Variants in CEP164 observed in about 807,000 individuals in gnomAD.
CEP164 encodes centrosomal protein of 164 kDa.
CEP164 carries 162 observed loss-of-function variants against 182.7 expected under a neutral mutation model. That is an observed-to-expected ratio of 0.89 (90% CI 0.78 to 1.01). The LOEUF (loss-of-function observed/expected upper bound fraction) is 1.01. Among genes scored for constraint, CEP164 ranks in the 50% least tolerant of loss-of-function variants. The pLI is 0.00. For synonymous variants in CEP164, 661 were observed against 690.0 expected (o/e 0.96, Z 0.66); for missense variants, 1,735 against 1,790.4 (o/e 0.97, Z 0.56).
chr11:117,390,732 C>T lies in CEP164; in HGVS notation c.1935-45C>T, dbSNP rs1453797585. 4.3e-6 allele frequency: 7 copies of T among 1,612,052 alleles called. No homozygotes were observed. In the South Asian group the frequency reaches 7.7e-5, roughly 18 times the overall value. ...CCATAGCTTATGAATAGAAGAAAGA[C>T]CTTTGTGGTTTCTCTGACAACCTAG... On this transcript the variant is annotated intron_variant, in intron 15 of 32. Transcript: ENST00000278935.
At chr11:117,355,698 G>A in intron 5 of CEP164, 1 of 1,188,226 alleles carries the variant, frequency 8.4e-7, no homozygotes, top group Non-Finnish European at 1.1e-6. Context: ...AGCGGGAGGA[G>A]GAGGAGAGAA....
intron 27 of CEP164, 106 bp downstream of exon 27, chr11:117,397,419 A>T: frequency 1.8e-6 from 2 of 1,081,462 alleles, no homozygotes; most frequent in Non-Finnish European, 2.6e-6. Flanking sequence ...TCGGGACTCC[A>T]TGAGAGTGGC....
intron 27 of CEP164, among the ~76,000 whole-genome samples, chr11:117,404,457 A>G (rs982788865): frequency 2.6e-5 from 4 of 152,240 alleles, no homozygotes; most frequent in Non-Finnish European, 5.9e-5. Context: ...TCTAGACCCT[A>G]TTTGCTTGGA....
chr11:117,410,044 C>T (rs1280491202), intron 30 of CEP164, 79 bp downstream of exon 30: 2 of 1,326,472 alleles, frequency 1.5e-6, no homozygotes, highest in South Asian at 1.2e-5. Context: ...CCCTCTTTCT[C>T]CTGCTCCTTT....
rs754018860 is a variant in CEP164 at position 117,390,891 on chromosome 11, A to C, written c.2049A>C (p.Ala683=). The change falls in exon 16 of 33, where the codon GCA becomes GCC. Residue 683 remains alanine, a synonymous_variant. Coordinates refer to ENST00000278935, the MANE Select transcript of CEP164 (RefSeq NM_014956.5). ...CTCAGGTCCAGTCCAGCACACAAGC[A>C]GATGAGGACCAAATCAGGTAAGTGT... The part of the protein sequence containing the change: ...LRAQVQSSTQ[A]DEDQIRAEQE... The C allele has an allele frequency of 4.3e-6, 7 of 1,613,928 alleles. No individual in the cohort carries two copies. The South Asian group carries it at 5.5e-5, about 13-fold the overall frequency.
intron 9 of CEP164, 104 bp from the exon 10 acceptor site, chr11:117,373,647 T>C: frequency 1.1e-6 from 1 of 921,918 alleles, no homozygotes; most frequent in Non-Finnish European, 1.7e-6. Context: ...CAGTTTGACC[T>C]GAGCCCTATA....
In CEP164 at chr11:117,410,862, G is replaced by A. The variant is rs141080271; in HGVS notation, c.4131G>A (p.Pro1377=). The change falls in exon 31 of 33, where the codon CCG becomes CCA. Residue 1377 remains proline, a synonymous_variant. Coordinates refer to ENST00000278935, the MANE Select transcript of CEP164 (RefSeq NM_014956.5). ...CGCTGCTCAGCAACAGCCCCACCCC[G>A]CTGGAGAGCAGGCTGGGTTACATGT... The part of the protein sequence containing the change: ...GIPLLSNSPT[P]LESRLGYMSA... 119 of 1,613,258 alleles carry A rather than the reference G, an allele frequency of 7.4e-5. No homozygotes were observed. The highest frequency in any genetic ancestry group is 5.5e-4 in the Admixed American group (33 of 59,960).
intron 20 of CEP164, among the ~76,000 whole-genome samples, chr11:117,393,681 C>A (rs2045032654): frequency 6.6e-6 from 1 of 152,248 alleles, no homozygotes. Flanking sequence ...CACTGCAATG[C>A]TGTGTCACCA....
chr11:117,376,681 TTTGAGCCCAACATGTTCCTC>T (rs2042777931), intron 11 of CEP164, among the ~76,000 whole-genome samples: 1 of 152,206 alleles, frequency 6.6e-6, no homozygotes, highest in South Asian at 2.1e-4. Context: ...GCCAGTTGCA[TTTGAGCCCAACATGTTCCTC>T]TCAGCTCTGG....
At chr11:117,396,299 C>T in intron 25 of CEP164, 119 bp downstream of exon 25, 2 of 1,199,788 alleles carry the variant, frequency 1.7e-6, no homozygotes, top group Non-Finnish European at 2.4e-6. Context: ...GGTGGAGCCT[C>T]AGGAGGGGAG....
intron 9 of CEP164, among the ~76,000 whole-genome samples, chr11:117,373,169 G>C (rs1357189184): frequency 6.6e-6 from 1 of 152,072 alleles, no homozygotes; most frequent in Non-Finnish European, 1.5e-5. Context: ...AGGAGTTCGA[G>C]ATCACTGGCC....
At chr11:117,396,312 G>A (rs898902344) in intron 25 of CEP164, 132 bp downstream of exon 25, 21 of 1,076,744 alleles carry the variant, frequency 2.0e-5, no homozygotes, top group Non-Finnish European at 2.9e-5. Context: ...GAGGGGAGGA[G>A]TATAAGGTGG....
chr11:117,393,201 ACACACACATG>A (rs2044938190), intron 20 of CEP164, 75 bp downstream of exon 20: 2 of 1,562,116 alleles, frequency 1.3e-6, no homozygotes, highest in East Asian at 2.3e-5. Flanking sequence ...ACACACATGC[ACACACACATG>A]CACGCACATG....
At chr11:117,326,251 T>C (rs559231429), upstream of CEP164, among the ~76,000 whole-genome samples, 147 of 149,750 alleles carry the variant, frequency 9.8e-4, no homozygotes, top group Admixed American at 1.8e-3. Context: ...TTAGACGGAG[T>C]CTTGCTCTGT....
intron 20 of CEP164, among the ~76,000 whole-genome samples, chr11:117,393,578 G>C (rs900928858): frequency 6.6e-6 from 1 of 152,190 alleles, no homozygotes; most frequent in African/African-American, 2.4e-5. Context: ...GACTTGGAGA[G>C]TTTAAGTAGC....
In CEP164 at chr11:117,350,774, G is replaced by GT. The variant is rs1186782011; in HGVS notation, c.195-1009dup. Among the ~76,000 whole-genome samples the GT allele has an allele frequency of 2.6e-5, 4 of 151,606 alleles. No individual in the cohort carries two copies. The South Asian group carries it at 8.3e-4, about 32-fold the overall frequency. ...GGAATACTGAATGCCTCTCCAGTGG[G>GT]TTTTTTTCTTTTTCTTTTTTTTTCT... On this transcript the variant is annotated intron_variant, in intron 4 of 32. Transcript: ENST00000278935.
intron 14 of CEP164, chr11:117,386,049 A>G (rs932883955): frequency 2.0e-5 from 3 of 152,200 alleles, no homozygotes; most frequent in Non-Finnish European, 4.4e-5. Flanking sequence ...TTCTGAGTCC[A>G]CAGCAGGGAG....
intron 11 of CEP164, 81 bp from the exon 12 acceptor site, chr11:117,380,532 TA>T: frequency 8.6e-7 from 1 of 1,160,244 alleles, no homozygotes; most frequent in Non-Finnish European, 1.3e-6. Context: ...TGCTTTCGTC[TA>T]AGCTTGAGAG....
At chr11:117,361,110 T>G (rs1463384375) in intron 5 of CEP164, among the ~76,000 whole-genome samples, 9 of 149,986 alleles carry the variant, frequency 6.0e-5, no homozygotes, top group Non-Finnish European at 1.3e-4. Context: ...AATTTTTGTA[T>G]TTTTAGTAGA....
Sources: allele counts gnomAD v4.1 joint callset (sites outside exome capture counted in the v4.1 genomes callset), GRCh38; gene constraint gnomAD v4.1.1; transcripts MANE v1.5; gene names NCBI Gene and HGNC (gene_info 2026-07-23, HGNC 2026-07-21).